SPSB1: variants seen among roughly 807,000 people sequenced by gnomAD.
SPSB1 encodes the protein splA/ryanodine receptor domain and SOCS box containing 1.
Under a neutral mutation model 21.2 loss-of-function variants are expected in SPSB1, and 8 were observed. The ratio of observed to expected loss-of-function variants is 0.38; its 90% confidence interval spans 0.22 to 0.68. The LOEUF (loss-of-function observed/expected upper bound fraction) is 0.68, where lower values mean the gene tolerates loss of function less well. SPSB1 is among the 30% of genes least tolerant of loss of function. The pLI, the probability that SPSB1 is intolerant of heterozygous loss-of-function variation, is 0.53. For missense variants in SPSB1, 242 were observed against 377.8 expected (o/e 0.64, Z 2.98); for synonymous variants, 169 against 161.7 (o/e 1.05, Z -0.34).
chr1:9,307,062 G>T (rs948691989), intron 1 of SPSB1, among the ~76,000 whole-genome samples: 4 of 151,878 alleles, frequency 2.6e-5, no homozygotes, highest in Non-Finnish European at 5.9e-5. Flanking sequence ...TGGGTAGCTG[G>T]GATTACAGGC....
At chr1:9,298,589 T>C (rs1639265705) in intron 1 of SPSB1, among the ~76,000 whole-genome samples, 1 of 152,184 alleles carries the variant, frequency 6.6e-6, no homozygotes, top group African/African-American at 2.4e-5. Flanking sequence ...AGAGTGAATA[T>C]GTATTGAGGA....
chr1:9,338,571 G>A (rs1226220050), intron 1 of SPSB1, among the ~76,000 whole-genome samples: 1 of 152,274 alleles, frequency 6.6e-6, no homozygotes, highest in Non-Finnish European at 1.5e-5. Context: ...TTCTTTGCTG[G>A]TGAGTTTCTG....
intron 1 of SPSB1, chr1:9,339,218 T>C: frequency 1.0e-6 from 1 of 985,364 alleles, no homozygotes; most frequent in Non-Finnish European, 1.2e-6. Context: ...TTCTCCTGGG[T>C]CTTTTCCCAG....
At position 9,293,274 on chromosome 1, in the gene SPSB1, C is replaced by T. The variant is rs1423280297; in HGVS notation, c.-150+203C>T. Among the ~76,000 whole-genome samples, 2 of 148,824 alleles carry T rather than the reference C, an allele frequency of 1.3e-5. No homozygotes were observed. Among genetic ancestry groups the T allele is most frequent in the Non-Finnish European group, 3.0e-5 (2 of 66,702 alleles). On this transcript the variant is annotated intron_variant, in intron 1 of 2. Transcript: ENST00000328089. The surrounding 1 kb of genome is among the most constrained non-coding windows in gnomAD (Gnocchi z 5.1). ...CCCTCCCGCGGTGGCTCCGGGGGCG[C>T]CTCCCTCGCCGCGGCTCCTGGGAGA...
chr1:9,294,178 CT>C (rs1267690395), intron 1 of SPSB1, among the ~76,000 whole-genome samples: 35 of 148,422 alleles, frequency 2.4e-4, no homozygotes, highest in African/African-American at 6.9e-4. Flanking sequence ...GAGTGTCTGT[CT>C]CTGCAAATGT....
intron 2 of SPSB1, among the ~76,000 whole-genome samples, chr1:9,364,737 C>G (rs913828969): frequency 1.3e-4 from 20 of 152,360 alleles, no homozygotes; most frequent in African/African-American, 4.3e-4. Flanking sequence ...TTGTCAGGAG[C>G]TGTGGCTGTG....
rs771536075 is a variant in SPSB1, at chr1:9,357,145, ATGGGTGGATGGATGGG to A, written c.694+564_694+579del. Among the ~76,000 whole-genome samples the A allele has an allele frequency of 9.1e-3, 1,336 of 146,126 alleles. 13 individuals are homozygous for A. Among genetic ancestry groups the A allele is most frequent in the Non-Finnish European group, 0.014 (940 of 66,200 alleles). On this transcript the variant is annotated intron_variant, in intron 2 of 2. Coordinates refer to ENST00000328089, the MANE Select transcript of SPSB1 (RefSeq NM_025106.4). ...GATGGATGGATGAGTGGATGGATGG[ATGGGTGGATGGATGGG>A]TGGATGGATGGGTGGATGGATGAGT...
At chr1:9,327,489 A>G (rs1156482830) in intron 1 of SPSB1, among the ~76,000 whole-genome samples, 2 of 152,116 alleles carry the variant, frequency 1.3e-5, no homozygotes, top group Non-Finnish European at 2.9e-5. Context: ...TGGGGAATGC[A>G]CCTTACGAGG....
chr1:9,295,079 C>T (rs1639194918), intron 1 of SPSB1, among the ~76,000 whole-genome samples: 1 of 152,190 alleles, frequency 6.6e-6, no homozygotes, highest in East Asian at 1.9e-4. Flanking sequence ...ATGGGCCAGG[C>T]ACTTCGTGTC....
chr1:9,354,696 G>A (rs2310920), intron 1 of SPSB1, among the ~76,000 whole-genome samples: 37,543 of 151,820 alleles, frequency 0.25, 4,841 homozygotes, highest in Admixed American at 0.33. Context: ...GCCTGTAATC[G>A]TAGCTGAGGC....
Position 9,305,613 on chromosome 1 carries a change from G to C in SPSB1, c.-150+12542G>C. Among the ~76,000 whole-genome samples the C allele has an allele frequency of 6.6e-6, 1 of 152,186 alleles. No homozygotes were observed. Among genetic ancestry groups the C allele is most frequent in the East Asian group, 1.9e-4 (1 of 5,202 alleles). On this transcript the variant is annotated intron_variant, in intron 1 of 2. Transcript: ENST00000328089. The surrounding 1 kb of genome is among the most constrained non-coding windows in gnomAD (Gnocchi z 4.8). Reference sequence around the variant, plus strand: ...GCTGGGGGTGGGGACTCCCCGTCACGGAACTAAACTGCCAGGTGTTCCGTT... The same window carrying C: ...GCTGGGGGTGGGGACTCCCCGTCACCGAACTAAACTGCCAGGTGTTCCGTT...
intron 1 of SPSB1, among the ~76,000 whole-genome samples, chr1:9,337,566 C>T (rs149056214): frequency 0.012 from 1,807 of 152,318 alleles, 18 homozygotes; most frequent in African/African-American, 0.019. Flanking sequence ...CAGCCCTCTG[C>T]GGGCTTTTCT....
intron 1 of SPSB1, among the ~76,000 whole-genome samples, chr1:9,349,051 C>T (rs1411254372): frequency 2.0e-5 from 3 of 152,164 alleles, no homozygotes; most frequent in Non-Finnish European, 2.9e-5. Flanking sequence ...AGCCAAACCC[C>T]AGGGCTTCGT....
chr1:9,353,646 G>A (rs1050718181), intron 1 of SPSB1, among the ~76,000 whole-genome samples: 2 of 152,096 alleles, frequency 1.3e-5, no homozygotes, highest in Non-Finnish European at 2.9e-5. Context: ...ATGGCTGGGC[G>A]CAGTGGTTCC....
chr1:9,338,479 G>A (rs1232109950), intron 1 of SPSB1, among the ~76,000 whole-genome samples: 2 of 152,246 alleles, frequency 1.3e-5, no homozygotes, highest in Non-Finnish European at 2.9e-5. Flanking sequence ...GCACTTGCTG[G>A]GGAGGACAGG....
chr1:9,357,374 T>A (rs1640390123), intron 2 of SPSB1, among the ~76,000 whole-genome samples: 1 of 152,194 alleles, frequency 6.6e-6, no homozygotes, highest in Non-Finnish European at 1.5e-5. Context: ...GATAGATGGA[T>A]GAATTAATAA....
At chr1:9,336,855 G>A (rs1640013037) in intron 1 of SPSB1, among the ~76,000 whole-genome samples, 1 of 152,172 alleles carries the variant, frequency 6.6e-6, no homozygotes, top group African/African-American at 2.4e-5. Context: ...TCTTTCTATA[G>A]TCCCTGTCCA....
chr1:9,325,459 C>T (rs1332128860), intron 1 of SPSB1, among the ~76,000 whole-genome samples: 1 of 152,166 alleles, frequency 6.6e-6, no homozygotes, highest in Admixed American at 6.5e-5. Context: ...GAGATGGATG[C>T]CTGCCCACCT....
At chr1:9,309,436 G>T (rs1471348525) in intron 1 of SPSB1, among the ~76,000 whole-genome samples, 3 of 151,966 alleles carry the variant, frequency 2.0e-5, no homozygotes, top group Non-Finnish European at 2.9e-5. Flanking sequence ...TCCCACCTCA[G>T]CATCCTGAGT....
Sources: allele counts gnomAD v4.1 joint callset (sites outside exome capture counted in the v4.1 genomes callset), GRCh38; gene constraint gnomAD v4.1.1; non-coding constraint Gnocchi (gnomAD v3.1); transcripts MANE v1.5; gene names NCBI Gene and HGNC (gene_info 2026-07-23, HGNC 2026-07-21).